MPZL1: variants seen among roughly 807,000 people sequenced by gnomAD.
MPZL1 encodes the protein myelin protein zero-like protein 1.
MPZL1 carries 16 observed loss-of-function variants against 29.3 expected under a neutral mutation model. The observed-to-expected ratio is 0.55, with a 90% confidence interval of 0.37 to 0.83. The LOEUF (loss-of-function observed/expected upper bound fraction) is 0.83. Among genes scored for constraint, MPZL1 ranks in the 40% least tolerant of loss-of-function variants. The pLI is 0.00. For missense variants in MPZL1, 279 were observed against 332.9 expected (o/e 0.84, Z 1.26); for synonymous variants, 143 against 132.0 (o/e 1.08, Z -0.57).
chr1:167,738,386 G>A (rs1660424877), intron 1 of MPZL1, among the ~76,000 whole-genome samples: 1 of 152,190 alleles, frequency 6.6e-6, no homozygotes, highest in Non-Finnish European at 1.5e-5. Context: ...ACTCATGTCT[G>A]CTAACAACAT....
At chr1:167,776,231 T>C in intron 5 of MPZL1, 65 bp downstream of exon 5, 3 of 1,197,690 alleles carry the variant, frequency 2.5e-6, no homozygotes, top group Non-Finnish European at 2.4e-6. Context: ...TGTCACTTCC[T>C]TGGGTGTGGA....
At chr1:167,724,251 A>T (rs112165344) in intron 1 of MPZL1, among the ~76,000 whole-genome samples, 60 of 152,318 alleles carry the variant, frequency 3.9e-4, no homozygotes, top group African/African-American at 1.3e-3. Flanking sequence ...TTGGTAGTTC[A>T]GTATAGTGGG....
intron 1 of MPZL1, among the ~76,000 whole-genome samples, chr1:167,750,619 C>T (rs924728893): frequency 2.6e-5 from 4 of 152,106 alleles, no homozygotes; most frequent in Non-Finnish European, 5.9e-5. Context: ...GTAAAAATGC[C>T]GTTCCTTTAT....
At chr1:167,775,563 A>G (rs2101792800) in intron 4 of MPZL1, among the ~76,000 whole-genome samples, 1 of 152,322 alleles carries the variant, frequency 6.6e-6, no homozygotes, top group East Asian at 1.9e-4. Context: ...GAATAAAAAT[A>G]TGGAGAGAAC....
intron 1 of MPZL1, among the ~76,000 whole-genome samples, chr1:167,728,332 ATTTTTTTTC>A (rs1660195407): frequency 7.4e-6 from 1 of 135,578 alleles, no homozygotes; most frequent in South Asian, 2.4e-4. Flanking sequence ...CCCTGCCCAA[ATTTTTTTTC>A]TTTTTTTTCT....
intron 1 of MPZL1, among the ~76,000 whole-genome samples, chr1:167,753,757 G>A (rs1349924322): frequency 6.6e-6 from 1 of 151,910 alleles, no homozygotes; most frequent in Non-Finnish European, 1.5e-5. Context: ...AGTCTCCCAG[G>A]TAGCTGGGAT....
At chr1:167,767,792 CTTTTT>C (rs58079089) in intron 2 of MPZL1, among the ~76,000 whole-genome samples, 1 of 58,106 alleles carries the variant, frequency 1.7e-5, no homozygotes, top group African/African-American at 6.8e-5. Flanking sequence ...CCCTTTTCTG[CTTTTT>C]TTTTTTTTTT....
intron 1 of MPZL1, among the ~76,000 whole-genome samples, chr1:167,753,116 G>A (rs928397655): frequency 2.0e-5 from 3 of 152,102 alleles, no homozygotes; most frequent in Non-Finnish European, 2.9e-5. Flanking sequence ...CAGAAGAAAA[G>A]GTGGTAAGAT....
intron 5 of MPZL1, among the ~76,000 whole-genome samples, chr1:167,781,880 T>C (rs992396513): frequency 3.3e-5 from 5 of 152,174 alleles, no homozygotes; most frequent in African/African-American, 1.2e-4. Context: ...TGTAATTTCA[T>C]TGGACCTCCT....
At chr1:167,775,829 T>C (rs1480952493) in intron 4 of MPZL1, among the ~76,000 whole-genome samples, 2 of 152,178 alleles carry the variant, frequency 1.3e-5, no homozygotes, top group Non-Finnish European at 2.9e-5. Context: ...TTGTACCATA[T>C]TTGTTTCTGT....
chr1:167,760,246 C>T (rs954717214), intron 1 of MPZL1, among the ~76,000 whole-genome samples: 11 of 152,056 alleles, frequency 7.2e-5, no homozygotes, highest in African/African-American at 1.9e-4. Context: ...TCTGTCACCC[C>T]GCCCAGAGTG....
Position 167,789,117 on chromosome 1 carries a change from A to T in MPZL1, c.*1196A>T, listed in dbSNP as rs1661654061. 1 of 152,202 alleles carries T rather than the reference A, an allele frequency of 6.6e-6. No individual in the cohort carries two copies. The highest frequency in any genetic ancestry group is 6.5e-5 in the Admixed American group (1 of 15,278). The allele number at this position is 152,202 out of a possible 1,614,324, so 9.4% of individuals were successfully genotyped here. Reference sequence around the variant, plus strand: ...GGTGCCTCAAAGACTGTTGAGGTTAATGAGAGCCTAGATTAGACAGTTTGG... The same window carrying T: ...GGTGCCTCAAAGACTGTTGAGGTTATTGAGAGCCTAGATTAGACAGTTTGG... On this transcript the variant is annotated 3_prime_UTR_variant, in exon 6 of 6. Coordinates refer to ENST00000359523, the MANE Select transcript of MPZL1 (RefSeq NM_003953.6).
At chr1:167,748,293 C>G (rs1281025808) in intron 1 of MPZL1, among the ~76,000 whole-genome samples, 1 of 152,188 alleles carries the variant, frequency 6.6e-6, no homozygotes, top group East Asian at 1.9e-4. Context: ...TCTACATCCT[C>G]TCCAGCTACT....
chr1:167,779,826 C>G (rs774463650), intron 5 of MPZL1, among the ~76,000 whole-genome samples: 1 of 152,090 alleles, frequency 6.6e-6, no homozygotes, highest in South Asian at 2.1e-4. Flanking sequence ...GAGATAGATA[C>G]AGCTAACAAG....
chr1:167,775,621 A>C (rs16859650), intron 4 of MPZL1, among the ~76,000 whole-genome samples: 11,091 of 152,248 alleles, frequency 0.073, 583 homozygotes, highest in African/African-American at 0.14. Flanking sequence ...TTTAAAACAT[A>C]CATTCAGAAG....
chr1:167,766,065 T>C (rs752921728), intron 2 of MPZL1, among the ~76,000 whole-genome samples: 5 of 151,828 alleles, frequency 3.3e-5, no homozygotes, highest in South Asian at 2.1e-4. Context: ...TTTATTGATA[T>C]TTGTTTTATG....
At chr1:167,769,631 C>T (rs556274287) in intron 2 of MPZL1, among the ~76,000 whole-genome samples, 2 of 152,204 alleles carry the variant, frequency 1.3e-5, no homozygotes, top group Admixed American at 6.5e-5. Flanking sequence ...CTGTGGCCAA[C>T]TAACTTTGTT....
At chr1:167,756,367 T>A (rs1660868368) in intron 1 of MPZL1, among the ~76,000 whole-genome samples, 1 of 150,678 alleles carries the variant, frequency 6.6e-6, no homozygotes. Flanking sequence ...GCTCAAGCCA[T>A]CCTCCTGCCT....
intron 5 of MPZL1, among the ~76,000 whole-genome samples, chr1:167,777,470 G>A (rs1011464259): frequency 3.3e-5 from 5 of 152,174 alleles, no homozygotes; most frequent in African/African-American, 1.2e-4. Context: ...GGGGAAAATG[G>A]AAACTGGGCC....
Sources: allele counts gnomAD v4.1 joint callset (sites outside exome capture counted in the v4.1 genomes callset), GRCh38; gene constraint gnomAD v4.1.1; transcripts MANE v1.5; gene names NCBI Gene and HGNC (gene_info 2026-07-23, HGNC 2026-07-21).